MTCL1: variants seen among roughly 807,000 people sequenced by gnomAD.
MTCL1 encodes the protein microtubule cross-linking factor 1.
MTCL1 carries 79 observed loss-of-function variants against 141.4 expected under a neutral mutation model. The ratio of observed to expected loss-of-function variants is 0.56; its 90% CI spans 0.47 to 0.67. MTCL1 has a LOEUF of 0.67. MTCL1 is among the 30% of genes least tolerant of loss of function. MTCL1 has a pLI of 0.00. For missense variants in MTCL1, 2,177 were observed against 2,113.9 expected, an observed-to-expected ratio of 1.03 and a Z score of -0.59; for synonymous variants, 914 against 875.8, an observed-to-expected ratio of 1.04 and a Z score of -0.77.
exon 7 of MTCL1, chr18:8,786,007 C>G (rs772061429): frequency 6.2e-7 from 1 of 1,607,602 alleles, no homozygotes; most frequent in Admixed American, 1.7e-5. Flanking sequence ...GCCTGCGCCT[C>G]CGAGCCGCGC....
At chr18:8,706,573 C>A in exon 1 of MTCL1, 1 of 1,454,332 alleles carries the variant, frequency 6.9e-7, no homozygotes, top group Non-Finnish European at 9.1e-7. Context: ...TGTCCGGGGG[C>A]GCTCGCCACC....
chr18:8,711,243 T>C (rs1342584885), intron 1 of MTCL1, among the ~76,000 whole-genome samples: 1 of 147,902 alleles, frequency 6.8e-6, no homozygotes, highest in Non-Finnish European at 1.5e-5. Flanking sequence ...GGCTGCATAG[T>C]ATTCCATGGT....
At chr18:8,812,872 C>G (rs2076533417) in intron 11 of MTCL1, 107 bp from the exon 11 acceptor site, 1 of 1,424,668 alleles carries the variant, frequency 7.0e-7, no homozygotes, top group Non-Finnish European at 9.5e-7. Flanking sequence ...TTGGTCAAAT[C>G]TTGGTTTAAA....
chr18:8,706,046 G>C (rs1172656876), exon 1 of MTCL1: 1 of 1,185,484 alleles, frequency 8.4e-7, no homozygotes, highest in African/African-American at 1.6e-5. Context: ...GCCCTGGGAA[G>C]CAGGAGGGCG....
chr18:8,827,718 T>C (rs1311928944), intron 15 of MTCL1, among the ~76,000 whole-genome samples: 1 of 152,256 alleles, frequency 6.6e-6, no homozygotes, highest in Non-Finnish European at 1.5e-5. Flanking sequence ...ATTAACCGGC[T>C]GTGTCTGTAT....
Position 8,787,804 on chromosome 18 carries a change from T to G in MTCL1, c.1887+1713T>G, listed in dbSNP as rs564212745. Among the ~76,000 whole-genome samples, 7 of 152,310 alleles carry G rather than the reference T, an allele frequency of 4.6e-5. No homozygotes were observed. The East Asian group carries it at 1.2e-3, about 25-fold the overall frequency. ...CAATTATGCTGCAAACACATCCTAT[T>G]TTATTTTATTTTTTAATAAGGCATG... is the stretch of plus-strand genomic sequence containing the variant. On this transcript the variant is annotated intron_variant, in intron 7 of 16. Transcript: ENST00000359865.
chr18:8,728,897 G>C (rs1387071187), intron 4 of MTCL1, among the ~76,000 whole-genome samples: 2 of 151,552 alleles, frequency 1.3e-5, no homozygotes, highest in Non-Finnish European at 2.9e-5. Flanking sequence ...ACCATGCCCA[G>C]CTTTTTCTTT....
intron 12 of MTCL1, among the ~76,000 whole-genome samples, chr18:8,815,155 A>G (rs550373653): frequency 2.6e-5 from 4 of 152,232 alleles, no homozygotes; most frequent in Non-Finnish European, 5.9e-5. Flanking sequence ...TCATGCTGCT[A>G]TAAAGACACA....
chr18:8,786,050 G>T (rs577221626), exon 7 of MTCL1: 3 of 1,597,858 alleles, frequency 1.9e-6, no homozygotes, highest in East Asian at 4.5e-5. Context: ...CGGGGACACC[G>T]GGAGCCACGG....
intron 4 of MTCL1, among the ~76,000 whole-genome samples, chr18:8,732,990 G>C (rs992157605): frequency 6.6e-6 from 1 of 152,256 alleles, no homozygotes; most frequent in Non-Finnish European, 1.5e-5. Flanking sequence ...ATGTGCTCTG[G>C]TTGCCCAGGC....
intron 4 of MTCL1, among the ~76,000 whole-genome samples, chr18:8,731,106 G>A (rs367962913): frequency 2.0e-5 from 3 of 151,926 alleles, no homozygotes; most frequent in African/African-American, 4.8e-5. Flanking sequence ...TTAGCCGGCC[G>A]TGGTGGCGGG....
chr18:8,739,629 C>T (rs1180837546), intron 4 of MTCL1, among the ~76,000 whole-genome samples: 3 of 152,334 alleles, frequency 2.0e-5, no homozygotes, highest in South Asian at 2.1e-4. Context: ...TGTGATCATA[C>T]AGCCTTCTGC....
chr18:8,765,858 G>A (rs1283663589), intron 4 of MTCL1, among the ~76,000 whole-genome samples: 5 of 152,202 alleles, frequency 3.3e-5, no homozygotes, highest in Admixed American at 6.5e-5. Context: ...GAAGGAAGCA[G>A]GCAGAGCTTC....
In MTCL1 at chr18:8,705,722, G is replaced by A; in HGVS notation, c.62G>A (p.Gly21Asp). 8.3e-7 allele frequency: 1 copy of A among 1,205,246 alleles called. No individual in the cohort carries two copies. Among genetic ancestry groups the A allele is most frequent in the Admixed American group, 4.4e-5 (1 of 22,602 alleles). The allele number at this position is 1,205,246 out of a possible 1,614,324, so 74.7% of individuals were successfully genotyped here. The stretch of plus-strand genomic sequence containing the variant: ...CCGGACGCGAAGCTGCAGCCGCCCG[G>A]CCAGCACCACCGCCACCACCACCTC... Residue 21 changes from glycine (G) to aspartate (D), a missense_variant, in exon 1 of 14, where the codon GGC becomes GAC. Transcript: ENST00000306329. The surrounding 1 kb of genome is among the most constrained non-coding windows in gnomAD (Gnocchi z 5.2).
At chr18:8,710,457 CTTTTTT>C (rs59830434) in intron 1 of MTCL1, among the ~76,000 whole-genome samples, 2 of 121,818 alleles carry the variant, frequency 1.6e-5, no homozygotes, top group Non-Finnish European at 1.7e-5. Context: ...CAGGCACTTT[CTTTTTT>C]TTTTTTTTTT....
chr18:8,812,952 A>T, intron 11 of MTCL1, 27 bp from the exon 11 acceptor site: 1 of 1,589,646 alleles, frequency 6.3e-7, no homozygotes, highest in Non-Finnish European at 8.6e-7. Context: ...TCAGAGAGGG[A>T]ATTCCTAAGT....
chr18:8,796,215 C>T lies in MTCL1; in HGVS notation c.2011-17C>T, dbSNP rs762931429. The T allele has an allele frequency of 7.4e-6, 12 of 1,613,400 alleles. No individual in the cohort carries two copies. The highest frequency in any genetic ancestry group is 1.3e-5 in the African/African-American group (1 of 74,882). On this transcript the variant is annotated splice_polypyrimidine_tract_variant and intron_variant, in intron 8 of 16. Transcript: ENST00000359865. ...GGATTAGCTGCTTGTCACACTGTCT[C>T]TCTTATTCCATTCAAGATGGAGGAG...
chr18:8,830,685 C>A lies in MTCL1; in HGVS notation c.*19-922C>A. 1.0e-6 allele frequency: 1 copy of A among 985,534 alleles called. No individual in the cohort carries two copies. The highest frequency in any genetic ancestry group is 1.2e-6 in the Non-Finnish European group (1 of 829,966). The allele number at this position is 985,534 out of a possible 1,614,324, so 61.0% of individuals were successfully genotyped here. On this transcript the variant is annotated intron_variant, in intron 16 of 16. Coordinates refer to ENST00000359865, the Ensembl canonical transcript of MTCL1. The surrounding 1 kb of genome is among the most constrained non-coding windows in gnomAD (Gnocchi z 6.4). ...CTTCCATTCAGTTCACCTCAAGCTT[C>A]CAGTGTCTGAGTGTCATTCCAGCCA...
chr18:8,789,862 G>A (rs750487794), intron 7 of MTCL1: 86 of 277,134 alleles, frequency 3.1e-4, no homozygotes, highest in Non-Finnish European at 4.5e-4. Flanking sequence ...ATGCAGTTGT[G>A]TGGCAGTAGA....
Sources: allele counts gnomAD v4.1 joint callset (sites outside exome capture counted in the v4.1 genomes callset), GRCh38; gene constraint gnomAD v4.1.1; non-coding constraint Gnocchi (gnomAD v3.1); transcripts MANE v1.5; gene names NCBI Gene and HGNC (gene_info 2026-07-23, HGNC 2026-07-21).